The following CADPS variants were observed in gnomAD, a reference collection of about 807,000 sequenced individuals.
The protein encoded by CADPS is calcium dependent secretion activator, also known as calcium-dependent secretion activator 1.
CADPS carries 57 observed loss-of-function variants against 167.3 expected under a neutral mutation model. The observed-to-expected ratio is 0.34, with a 90% CI of 0.28 to 0.42. CADPS has a LOEUF of 0.42. Ranked by LOEUF, CADPS falls within the 20% of genes least tolerant of loss-of-function variation. The pLI, the probability that CADPS is intolerant of heterozygous loss-of-function variation, is 1.00. For missense variants in CADPS, 1,414 were observed against 1,738.1 expected, an observed-to-expected ratio of 0.81 and a Z score of 3.32; for synonymous variants, 676 against 635.3, an observed-to-expected ratio of 1.06 and a Z score of -0.96.
At chr3:62,701,752 T>C (rs1404239766) in intron 3 of CADPS, among the ~76,000 whole-genome samples, 1 of 152,096 alleles carries the variant, frequency 6.6e-6, no homozygotes, top group Non-Finnish European at 1.5e-5. Flanking sequence ...CCTTGTAGAA[T>C]GACTATGAAC....
chr3:62,593,643 C>A (rs571382271), intron 6 of CADPS, among the ~76,000 whole-genome samples: 5 of 152,178 alleles, frequency 3.3e-5, no homozygotes, highest in Admixed American at 2.0e-4. Flanking sequence ...TCTCACAAGC[C>A]TCCTGACTCT....
chr3:62,580,136 C>T (rs2203122), intron 8 of CADPS, among the ~76,000 whole-genome samples: 60,447 of 151,958 alleles, frequency 0.4, 13,080 homozygotes, highest in African/African-American at 0.58. Context: ...CACATGCACA[C>T]GTATGTTTAC....
At chr3:62,789,080 T>C (rs967454556) in intron 1 of CADPS, among the ~76,000 whole-genome samples, 1 of 152,176 alleles carries the variant, frequency 6.6e-6, no homozygotes, top group Non-Finnish European at 1.5e-5. Context: ...ATTGGCCAGA[T>C]TGTGGTGGTT....
At chr3:62,647,133 G>GAT (rs2068770415) in intron 5 of CADPS, among the ~76,000 whole-genome samples, 1 of 152,142 alleles carries the variant, frequency 6.6e-6, no homozygotes, top group African/African-American at 2.4e-5. Flanking sequence ...TCACATCAGA[G>GAT]ATATACAATT....
chr3:62,702,346 A>G (rs1219836455), intron 3 of CADPS, among the ~76,000 whole-genome samples: 1 of 152,170 alleles, frequency 6.6e-6, no homozygotes, highest in Non-Finnish European at 1.5e-5. Flanking sequence ...CTCTGCCTTC[A>G]AGGAGCATGA....
chr3:62,625,804 G>C (rs2063967098), intron 6 of CADPS: 1 of 150,834 alleles, frequency 6.6e-6, no homozygotes, highest in Non-Finnish European at 1.5e-5. Flanking sequence ...TCTTCTCCAG[G>C]ACCATTCTTT....
At chr3:62,768,021 T>C (rs191746464) in intron 1 of CADPS, among the ~76,000 whole-genome samples, 2,605 of 152,302 alleles carry the variant, frequency 0.017, 29 homozygotes, top group East Asian at 0.06. Context: ...TAGTGGCTAT[T>C]GCACTGGACC....
intron 3 of CADPS, among the ~76,000 whole-genome samples, chr3:62,699,254 C>G (rs2080947806): frequency 2.0e-5 from 3 of 151,734 alleles, no homozygotes; most frequent in Admixed American, 2.0e-4. Context: ...CCAGGCTGAT[C>G]TTGAACCCCT....
Position 62,765,307 on chromosome 3 carries a change from C to T in CADPS, c.555+564G>A, listed in dbSNP as rs142506709. On this transcript the variant is annotated intron_variant, in intron 2 of 29. Coordinates refer to ENST00000383710, the MANE Select transcript of CADPS (RefSeq NM_003716.4). ...GGTGAAAATTTACCTGTAATACATA[C>T]TCAGAACATATTCTCTCTTTTGTAG... Among the ~76,000 whole-genome samples the T allele has an allele frequency of 1.4e-4, 22 of 152,268 alleles. No individual in the cohort carries two copies. The East Asian group carries it at 4.2e-3, about 29-fold the overall frequency.
At chr3:62,543,198 T>C (rs2075978142) in intron 11 of CADPS, among the ~76,000 whole-genome samples, 2 of 152,206 alleles carry the variant, frequency 1.3e-5, no homozygotes, top group African/African-American at 4.8e-5. Context: ...ATTTACAGTA[T>C]GGTTTTGGGT....
chr3:62,452,435 C>T (rs2058182724), intron 26 of CADPS, among the ~76,000 whole-genome samples: 2 of 152,182 alleles, frequency 1.3e-5, no homozygotes, highest in South Asian at 2.1e-4. Context: ...CTATTTTGGA[C>T]AGCTCAGATA....
intron 6 of CADPS, among the ~76,000 whole-genome samples, chr3:62,622,296 T>C (rs2063321027): frequency 6.6e-6 from 1 of 152,144 alleles, no homozygotes; most frequent in Admixed American, 6.6e-5. Flanking sequence ...AAATGTTTAT[T>C]GAATTTCTAC....
chr3:62,410,554 G>A (rs954897363), intron 28 of CADPS, among the ~76,000 whole-genome samples: 18 of 152,198 alleles, frequency 1.2e-4, no homozygotes, highest in Non-Finnish European at 2.1e-4. Flanking sequence ...AAATGCACGT[G>A]ACTCAGACCA....
intron 6 of CADPS, among the ~76,000 whole-genome samples, chr3:62,595,804 C>A (rs114619357): frequency 0.078 from 11,798 of 152,064 alleles, 677 homozygotes; most frequent in South Asian, 0.13. Flanking sequence ...AGTGGGCTGG[C>A]AAAGGCAGAT....
At chr3:62,682,057 A>G (rs760979775) in intron 3 of CADPS, among the ~76,000 whole-genome samples, 1 of 152,092 alleles carries the variant, frequency 6.6e-6, no homozygotes, top group African/African-American at 2.4e-5. Context: ...AGGCAGTAAG[A>G]AAATAATCAG....
chr3:62,541,031 C>T (rs573285933), intron 11 of CADPS, among the ~76,000 whole-genome samples: 1 of 152,200 alleles, frequency 6.6e-6, no homozygotes, highest in Admixed American at 6.5e-5. Flanking sequence ...ATTTGAACAT[C>T]GGGTTAAGCA....
In CADPS at chr3:62,793,407, A is replaced by C. The variant is rs182442182; in HGVS notation, c.442-27423T>G. Among the ~76,000 whole-genome samples, 3 of 152,360 alleles carry C rather than the reference A, an allele frequency of 2.0e-5. No individual in the cohort carries two copies. In the East Asian group the frequency reaches 5.8e-4, roughly 29 times the overall value. On this transcript the variant is annotated intron_variant, in intron 1 of 29. Transcript: ENST00000383710. The stretch of plus-strand genomic sequence containing the variant: ...TTATCCATGAATTGAATTAAAAATT[A>C]TAGAAGAGTTTGGAGGAAGACGTTC...
At chr3:62,672,344 C>CA (rs1483050265) in intron 3 of CADPS, among the ~76,000 whole-genome samples, 1 of 152,160 alleles carries the variant, frequency 6.6e-6, no homozygotes, top group African/African-American at 2.4e-5. Context: ...TCAGGCTTTG[C>CA]AAGGCAGGCT....
chr3:62,592,473 C>T (rs543339908), intron 7 of CADPS, among the ~76,000 whole-genome samples, 164 bp downstream of exon 7: 165 of 152,266 alleles, frequency 1.1e-3, no homozygotes, highest in African/African-American at 3.7e-3. Flanking sequence ...GGTTGAGGAA[C>T]TTGCTTAAGG....
Sources: allele counts gnomAD v4.1 joint callset (sites outside exome capture counted in the v4.1 genomes callset), GRCh38; gene constraint gnomAD v4.1.1; transcripts MANE v1.5; gene names NCBI Gene and HGNC (gene_info 2026-07-23, HGNC 2026-07-21).